The following ZNF407 variants were observed in gnomAD, a reference collection of about 807,000 sequenced individuals.
ZNF407 encodes the protein zinc finger protein 407.
A neutral mutation model predicts 131.2 loss-of-function variants in ZNF407; 17 were observed. The observed-to-expected ratio is 0.13, with a 90% confidence interval of 0.09 to 0.19. ZNF407 has a LOEUF of 0.19. Among genes scored for constraint, ZNF407 ranks in the 10% least tolerant of loss-of-function variants. The pLI is 1.00. For missense variants in ZNF407, 2,681 were observed against 2,830.6 expected (o/e 0.95, Z 1.20); for synonymous variants, 1,156 against 1,062.0 (o/e 1.09, Z -1.72).
Position 74,788,230 on chromosome 18 carries a change from C to T in ZNF407, c.4877+6728C>T, listed in dbSNP as rs564883850. 2.6e-5 allele frequency among the ~76,000 whole-genome samples: 4 copies of T among 152,260 alleles called. No individual in the cohort carries two copies. In the South Asian group the frequency reaches 6.2e-4, roughly 24 times the overall value. On this transcript the variant is annotated intron_variant, in intron 4 of 8. Transcript: ENST00000299687. ...TAAAAACCTCCCATAAATCAAAGCT[C>T]ATGTAATTCAAGGGCAGTTTTGCAA...
At chr18:74,939,958 CT>C (rs553761525) in intron 8 of ZNF407, among the ~76,000 whole-genome samples, 1 of 152,108 alleles carries the variant, frequency 6.6e-6, no homozygotes, top group Non-Finnish European at 1.5e-5. Context: ...TCAGTTTTAG[CT>C]TTTTTAGGTA....
At chr18:75,010,842 A>T (rs1285705162) in intron 8 of ZNF407, among the ~76,000 whole-genome samples, 1 of 152,162 alleles carries the variant, frequency 6.6e-6, no homozygotes, top group Admixed American at 6.6e-5. Flanking sequence ...AGGAAAAAGC[A>T]TATATTTGAA....
At chr18:74,716,421 A>G (rs1345605901) in intron 3 of ZNF407, among the ~76,000 whole-genome samples, 1 of 152,236 alleles carries the variant, frequency 6.6e-6, no homozygotes, top group Non-Finnish European at 1.5e-5. Flanking sequence ...ACATTAAGGT[A>G]CATCAGTTTT....
Position 74,831,166 on chromosome 18 carries a change from G to A in ZNF407, c.4878-46031G>A, listed in dbSNP as rs1033238824. On this transcript the variant is annotated intron_variant, in intron 4 of 8. Transcript: ENST00000299687. Reference sequence around the variant, plus strand: ...TATATATACCATGTTTTCCTTATCCGTTCTTCTGCTGTTGGACACCTAGGT... The same window carrying A: ...TATATATACCATGTTTTCCTTATCCATTCTTCTGCTGTTGGACACCTAGGT... Among the ~76,000 whole-genome samples the A allele has an allele frequency of 9.9e-5, 15 of 152,066 alleles. 1 individual carries two copies. In the South Asian group the frequency reaches 2.3e-3, roughly 23 times the overall value.
chr18:74,914,591 T>A (rs545603322), intron 7 of ZNF407, among the ~76,000 whole-genome samples: 1 of 152,348 alleles, frequency 6.6e-6, no homozygotes, highest in South Asian at 2.1e-4. Context: ...ATTCAGTCCT[T>A]TGGTAGTTTG....
intron 8 of ZNF407, among the ~76,000 whole-genome samples, chr18:75,027,675 G>A (rs1453930006): frequency 6.6e-6 from 1 of 152,176 alleles, no homozygotes; most frequent in Non-Finnish European, 1.5e-5. Flanking sequence ...AGCAGATTTA[G>A]GAGGAGGTCA....
At chr18:74,759,032 T>G (rs965224462) in intron 3 of ZNF407, among the ~76,000 whole-genome samples, 3 of 152,180 alleles carry the variant, frequency 2.0e-5, no homozygotes, top group African/African-American at 7.2e-5. Flanking sequence ...GTCTGGCTGA[T>G]GGTGTTTTTT....
intron 3 of ZNF407, among the ~76,000 whole-genome samples, chr18:74,693,483 A>G (rs928987041): frequency 6.6e-6 from 1 of 152,136 alleles, no homozygotes; most frequent in African/African-American, 2.4e-5. Context: ...TCTCTGAAAA[A>G]TCACTACTTT....
chr18:74,763,763 G>A (rs56164565), intron 3 of ZNF407, among the ~76,000 whole-genome samples: 5,899 of 136,784 alleles, frequency 0.043, 174 homozygotes, highest in Non-Finnish European at 0.068. Flanking sequence ...AGGCTGGAGG[G>A]CAGTGGCGCG....
intron 4 of ZNF407, among the ~76,000 whole-genome samples, chr18:74,863,555 A>G (rs1970967905): frequency 1.3e-5 from 2 of 152,108 alleles, no homozygotes. Flanking sequence ...TATACACCAT[A>G]AGTCTCCTTT....
intron 3 of ZNF407, among the ~76,000 whole-genome samples, chr18:74,745,781 G>C (rs1968654879): frequency 6.6e-6 from 1 of 152,102 alleles, no homozygotes; most frequent in Admixed American, 6.6e-5. Context: ...CCGGTCTTAT[G>C]GTTATTCATC....
intron 8 of ZNF407, among the ~76,000 whole-genome samples, chr18:74,991,202 G>C (rs558499876): frequency 1.3e-5 from 2 of 152,298 alleles, no homozygotes; most frequent in South Asian, 4.1e-4. Flanking sequence ...ATAGCACGCA[G>C]ATAAAACCTG....
At chr18:74,852,197 ACG>A (rs781083348) in intron 4 of ZNF407, among the ~76,000 whole-genome samples, 9,814 of 69,954 alleles carry the variant, frequency 0.14, 359 homozygotes, top group East Asian at 0.25. Context: ...ACACACACAC[ACG>A]CACGCACGCA....
intron 4 of ZNF407, among the ~76,000 whole-genome samples, chr18:74,798,209 AACACAC>A (rs35388545): frequency 8.1e-5 from 12 of 147,934 alleles, no homozygotes; most frequent in South Asian, 6.5e-4. Flanking sequence ...CCTTTACACA[AACACAC>A]ACACACACAC....
chr18:74,879,471 A>C lies in ZNF407; in HGVS notation c.5045-1565A>C, dbSNP rs557465477. Reference sequence around the variant, plus strand: ...CCTCAACATAGAAAACTGTGTTAATATTAACGAGCAAATTGTCTTGTGGGA... The same window carrying C: ...CCTCAACATAGAAAACTGTGTTAATCTTAACGAGCAAATTGTCTTGTGGGA... On this transcript the variant is annotated intron_variant, in intron 5 of 8. Transcript: ENST00000299687. 7.2e-5 allele frequency among the ~76,000 whole-genome samples: 11 copies of C among 152,326 alleles called. No homozygotes were observed. In the East Asian group the frequency reaches 2.1e-3, roughly 29 times the overall value.
At chr18:74,812,969 T>G (rs1970218145) in intron 4 of ZNF407, among the ~76,000 whole-genome samples, 1 of 152,212 alleles carries the variant, frequency 6.6e-6, no homozygotes, top group Admixed American at 6.5e-5. Flanking sequence ...GCTCCATTTT[T>G]TCATCAATTT....
chr18:74,881,082 C>G lies in ZNF407; in HGVS notation c.5091C>G (p.Thr1697=). ...LCDLCGFAGG[T]RHALTKHRRQ... ...ACCTCTGCGGCTTTGCCGGCGGGACCCGCCACGCCCTCACCAAGCATCGCA... is the reference window on the plus strand; with the variant it reads ...ACCTCTGCGGCTTTGCCGGCGGGACGCGCCACGCCCTCACCAAGCATCGCA... Residue 1697 remains threonine (T), a synonymous_variant, in exon 6 of 9, where the codon ACC becomes ACG. Coordinates refer to ENST00000299687, the MANE Select transcript of ZNF407 (RefSeq NM_017757.3). 6.3e-7 allele frequency: 1 copy of G among 1,581,806 alleles called. No individual in the cohort carries two copies. The highest frequency in any genetic ancestry group is 8.6e-7 in the Non-Finnish European group (1 of 1,163,394).
intron 3 of ZNF407, among the ~76,000 whole-genome samples, chr18:74,681,728 T>A (rs1599065658): frequency 6.6e-6 from 1 of 152,346 alleles, no homozygotes; most frequent in Middle Eastern, 3.4e-3. Flanking sequence ...TTTTCATATT[T>A]TGTCAGACAG....
chr18:74,825,638 A>G (rs1192564753), intron 4 of ZNF407, among the ~76,000 whole-genome samples: 2 of 151,754 alleles, frequency 1.3e-5, no homozygotes, highest in African/African-American at 4.8e-5. Flanking sequence ...GAAACTGAAA[A>G]CCCGGGTTGT....
Sources: allele counts gnomAD v4.1 joint callset (sites outside exome capture counted in the v4.1 genomes callset), GRCh38; gene constraint gnomAD v4.1.1; transcripts MANE v1.5; gene names NCBI Gene and HGNC (gene_info 2026-07-23, HGNC 2026-07-21).